The following ARHGEF3 variants were observed in gnomAD, a reference collection of about 807,000 sequenced individuals.
ARHGEF3 encodes the protein 59.8 kDA protein.
A neutral mutation model predicts 63.2 loss-of-function variants in ARHGEF3; 28 were observed. The ratio of observed to expected loss-of-function variants is 0.44; its 90% CI spans 0.33 to 0.61. The LOEUF (loss-of-function observed/expected upper bound fraction) is 0.61. ARHGEF3 is among the 20% of genes least tolerant of loss of function. The pLI is 0.03. For missense variants in ARHGEF3, 533 were observed against 659.3 expected, an observed-to-expected ratio of 0.81 and a Z score of 2.10; for synonymous variants, 266 against 254.2, an observed-to-expected ratio of 1.05 and a Z score of -0.44.
intron 3 of ARHGEF3, among the ~76,000 whole-genome samples, chr3:56,947,302 T>C (rs1699559463): frequency 6.6e-6 from 1 of 152,190 alleles, no homozygotes. Context: ...GTAAATGGGC[T>C]AAATGCTCCA....
Position 56,938,318 on chromosome 3 carries a change from A to C in ARHGEF3, c.129+20505T>G, listed in dbSNP as rs1699003566. Among the ~76,000 whole-genome samples the C allele has an allele frequency of 4.6e-5, 7 of 152,348 alleles. 1 individual carries two copies. In the South Asian group the frequency reaches 1.4e-3, roughly 32 times the overall value. On this transcript the variant is annotated intron_variant, in intron 3 of 12. Coordinates refer to the ARHGEF3 transcript ENST00000338458. Reference sequence around the variant, plus strand: ...CACTTATATAGGGCAGCCCATTTTAAAATGGGCCCCATGCAATCAAGATTA... The same window carrying C: ...CACTTATATAGGGCAGCCCATTTTACAATGGGCCCCATGCAATCAAGATTA...
At chr3:56,973,355 T>C (rs111916480) in intron 2 of ARHGEF3, among the ~76,000 whole-genome samples, 42 of 152,236 alleles carry the variant, frequency 2.8e-4, no homozygotes, top group African/African-American at 9.4e-4. Flanking sequence ...CACTATCTAC[T>C]GTGGATTAAG....
chr3:56,896,584 G>C (rs62251072), intron 3 of ARHGEF3, among the ~76,000 whole-genome samples: 2,419 of 152,256 alleles, frequency 0.016, 34 homozygotes, highest in Non-Finnish European at 0.023. Context: ...TTACTGTCAC[G>C]TGTTCTTGAG....
At chr3:57,029,920 C>A (rs982206036) in intron 2 of ARHGEF3, among the ~76,000 whole-genome samples, 1 of 152,088 alleles carries the variant, frequency 6.6e-6, no homozygotes, top group Admixed American at 6.6e-5. Flanking sequence ...GAGCAGGTCC[C>A]AAACAGCCTT....
At chr3:56,799,414 A>G (rs1424360883) in intron 1 of ARHGEF3, among the ~76,000 whole-genome samples, 1 of 152,376 alleles carries the variant, frequency 6.6e-6, no homozygotes, top group Non-Finnish European at 1.5e-5. Context: ...TTGAAGGTCA[A>G]CAAGTCCTGT....
intron 3 of ARHGEF3, among the ~76,000 whole-genome samples, chr3:56,883,941 T>G (rs2040845415): frequency 1.3e-5 from 2 of 152,310 alleles, no homozygotes. Flanking sequence ...TGTTCTATTA[T>G]TTTTTTCACT....
At chr3:56,862,901 A>G (rs115063677) in intron 4 of ARHGEF3, among the ~76,000 whole-genome samples, 3,545 of 151,904 alleles carry the variant, frequency 0.023, 51 homozygotes, top group African/African-American at 0.039. Flanking sequence ...ATTCACTCCT[A>G]CTCATTTGAA....
intron 2 of ARHGEF3, among the ~76,000 whole-genome samples, chr3:56,765,006 C>G (rs562732117): frequency 6.6e-6 from 1 of 152,098 alleles, no homozygotes; most frequent in Non-Finnish European, 1.5e-5. Context: ...ATCCGCCTGT[C>G]TCGGCCTCCC....
intron 4 of ARHGEF3, among the ~76,000 whole-genome samples, chr3:56,874,515 T>C (rs1235090588): frequency 2.6e-5 from 4 of 152,364 alleles, no homozygotes; most frequent in East Asian, 3.9e-4. Context: ...ATTCCGTGCC[T>C]GGTTTAACAT....
intron 4 of ARHGEF3, among the ~76,000 whole-genome samples, chr3:56,871,615 C>G (rs549487990): frequency 6.6e-6 from 1 of 152,052 alleles, no homozygotes. Context: ...ACATTCTTAC[C>G]TTTACTAACA....
At chr3:57,036,504 T>G (rs564793212) in intron 1 of ARHGEF3, among the ~76,000 whole-genome samples, 1 of 152,186 alleles carries the variant, frequency 6.6e-6, no homozygotes, top group African/African-American at 2.4e-5. Context: ...CCAGGATGAG[T>G]CTGAGCCATA....
chr3:57,002,025 G>A lies in ARHGEF3; in HGVS notation c.62+33063C>T, dbSNP rs369885298. 8.4e-5 allele frequency among the ~76,000 whole-genome samples: 12 copies of A among 142,440 alleles called. No homozygotes were observed. In the South Asian group the frequency reaches 2.1e-3, roughly 25 times the overall value. The allele number at this position is 142,440 out of a possible 152,430, so 93.4% of individuals were successfully genotyped here. A position where few individuals can be genotyped will look rare whatever the true frequency, so the allele number is the denominator to read the frequency against. On this transcript the variant is annotated intron_variant, in intron 2 of 12. Coordinates refer to the ARHGEF3 transcript ENST00000338458. ...TGCAAGCTCCGCTTCCCGGGTTCACGCCATTCTCCTGCCTCAGCCTCCTGA... is the reference window on the plus strand; with the variant it reads ...TGCAAGCTCCGCTTCCCGGGTTCACACCATTCTCCTGCCTCAGCCTCCTGA...
chr3:57,023,164 C>T (rs749547775), intron 2 of ARHGEF3, among the ~76,000 whole-genome samples: 4 of 152,280 alleles, frequency 2.6e-5, no homozygotes, highest in South Asian at 4.2e-4. Flanking sequence ...CCACCACATC[C>T]GCTTCATTCA....
intron 2 of ARHGEF3, among the ~76,000 whole-genome samples, chr3:57,013,914 C>T (rs1021535442): frequency 6.6e-6 from 1 of 152,178 alleles, no homozygotes. Flanking sequence ...GCTGCCGGAG[C>T]CAGCAGCGGC....
chr3:57,020,558 T>A (rs962679197), intron 2 of ARHGEF3, among the ~76,000 whole-genome samples: 2 of 152,174 alleles, frequency 1.3e-5, no homozygotes, highest in Non-Finnish European at 2.9e-5. Flanking sequence ...AAATCTGAGT[T>A]CACTCGGGAA....
At chr3:56,829,006 G>A (rs556389533) in intron 4 of ARHGEF3, among the ~76,000 whole-genome samples, 55 of 152,158 alleles carry the variant, frequency 3.6e-4, no homozygotes, top group Admixed American at 2.1e-3. Flanking sequence ...GGCTCACTGC[G>A]ATCTCTGTCT....
At chr3:56,920,741 A>G (rs185486364) in intron 3 of ARHGEF3, among the ~76,000 whole-genome samples, 11 of 152,320 alleles carry the variant, frequency 7.2e-5, no homozygotes, top group Non-Finnish European at 4.4e-5. Context: ...CTGAATTTAA[A>G]AATAGGTAGT....
At chr3:57,075,524 AAAT>A (rs1347653348) in intron 1 of ARHGEF3, 1 of 153,702 alleles carries the variant, frequency 6.5e-6, no homozygotes, top group African/African-American at 2.4e-5. Context: ...AAAAAAAAAA[AAAT>A]GGGCCCGGCA....
chr3:56,870,539 G>A (rs1403440480), intron 4 of ARHGEF3, among the ~76,000 whole-genome samples: 1 of 152,170 alleles, frequency 6.6e-6, no homozygotes, highest in Admixed American at 6.5e-5. Context: ...AACCATAATG[G>A]TGGATATGTG....
Sources: allele counts gnomAD v4.1 joint callset (sites outside exome capture counted in the v4.1 genomes callset), GRCh38; gene constraint gnomAD v4.1.1; transcripts MANE v1.5; gene names NCBI Gene and HGNC (gene_info 2026-07-23, HGNC 2026-07-21).